The following DDX60L variants were observed in gnomAD, a reference collection of about 807,000 sequenced individuals.
DDX60L encodes probable ATP-dependent RNA helicase DDX60-like.
In DDX60L, 191 loss-of-function variants were observed where a neutral mutation model predicts 211.6. That is an observed-to-expected ratio of 0.90 (90% CI 0.80 to 1.02). The LOEUF (loss-of-function observed/expected upper bound fraction) is 1.02. Ranked by LOEUF, DDX60L falls within the 50% of genes least tolerant of loss-of-function variation. The probability of loss-of-function intolerance (pLI) is 0.00; values close to 1 mark genes in which losing one functional copy is unlikely to be tolerated. For synonymous variants in DDX60L, 706 were observed against 694.1 expected (o/e 1.02, Z -0.27); for missense variants, 2,007 against 1,984.1 (o/e 1.01, Z -0.22).
chr4:168,416,431 T>C (rs1373374746), intron 20 of DDX60L, among the ~76,000 whole-genome samples: 1 of 149,310 alleles, frequency 6.7e-6, no homozygotes, highest in Non-Finnish European at 1.5e-5. Flanking sequence ...CAAAAAAATT[T>C]GAGAAAGCCA....
intron 26 of DDX60L, among the ~76,000 whole-genome samples, chr4:168,396,386 T>C (rs186698259): frequency 4.6e-5 from 7 of 152,190 alleles, no homozygotes; most frequent in Admixed American, 3.9e-4. Flanking sequence ...GATATCCAGT[T>C]CTTCTCAGGA....
intron 13 of DDX60L, 23 bp downstream of exon 13, chr4:168,430,455 T>G: frequency 6.5e-7 from 1 of 1,545,494 alleles, no homozygotes; most frequent in Non-Finnish European, 8.7e-7. Context: ...AGAAAAAAAT[T>G]AGGTAAAATC....
chr4:168,381,582 T>G (rs1123539), intron 30 of DDX60L, among the ~76,000 whole-genome samples: 6,272 of 39,306 alleles, frequency 0.16, 138 homozygotes, highest in South Asian at 0.34. Flanking sequence ...CTATCAATTT[T>G]TTTTAAAAAA....
chr4:168,429,622 C>A (rs1245586751), intron 13 of DDX60L, among the ~76,000 whole-genome samples: 1 of 152,156 alleles, frequency 6.6e-6, no homozygotes, highest in Non-Finnish European at 1.5e-5. Flanking sequence ...TAAAATAACT[C>A]ATTTGTAAGT....
At chr4:168,366,268 C>A (rs1739974617) in intron 36 of DDX60L, among the ~76,000 whole-genome samples, 1 of 152,100 alleles carries the variant, frequency 6.6e-6, no homozygotes, top group African/African-American at 2.4e-5. Flanking sequence ...ACTGCTAGAA[C>A]TGATCAACAA....
chr4:168,477,817 G>T (rs553212498), intron 1 of DDX60L, among the ~76,000 whole-genome samples: 1 of 152,218 alleles, frequency 6.6e-6, no homozygotes, highest in Non-Finnish European at 1.5e-5. Flanking sequence ...ATTGGAAAAG[G>T]TTGATGGTCA....
At chr4:168,430,741 A>G (rs1422103449) in intron 12 of DDX60L, 103 bp from the exon 13 acceptor site, 1 of 880,370 alleles carries the variant, frequency 1.1e-6, no homozygotes, top group African/African-American at 1.8e-5. Flanking sequence ...ATAATTCAGT[A>G]TTTGCCAATG....
intron 26 of DDX60L, among the ~76,000 whole-genome samples, chr4:168,397,193 G>A (rs1235530582): frequency 1.3e-5 from 2 of 152,194 alleles, no homozygotes; most frequent in African/African-American, 4.8e-5. Flanking sequence ...CTGTTTAGAA[G>A]CCACTTAGTC....
At chr4:168,471,998 G>T (rs1758849571) in intron 3 of DDX60L, 62 bp from the exon 4 acceptor site, 1 of 1,342,472 alleles carries the variant, frequency 7.4e-7, no homozygotes, top group Non-Finnish European at 1.0e-6. Flanking sequence ...TGTTGCTGTT[G>T]TTGTTACTAT....
chr4:168,385,345 G>A (rs1404494027), intron 29 of DDX60L, among the ~76,000 whole-genome samples: 1 of 152,172 alleles, frequency 6.6e-6, no homozygotes, highest in Non-Finnish European at 1.5e-5. Flanking sequence ...CCTGGAGGGT[G>A]GTGTGCCCTC....
intron 4 of DDX60L, chr4:168,470,112 A>G (rs1758550469): frequency 6.6e-6 from 1 of 152,234 alleles, no homozygotes; most frequent in Admixed American, 6.5e-5. Flanking sequence ...AATACCAATT[A>G]AAACACAGGG....
At chr4:168,409,020 T>C (rs1305313737) in intron 22 of DDX60L, among the ~76,000 whole-genome samples, 2 of 152,224 alleles carry the variant, frequency 1.3e-5, no homozygotes, top group African/African-American at 4.8e-5. Context: ...TGTAATCTCA[T>C]GAATACTATA....
At chr4:168,385,251 CT>C (rs1743660487) in intron 29 of DDX60L, among the ~76,000 whole-genome samples, 1 of 152,134 alleles carries the variant, frequency 6.6e-6, no homozygotes, top group Non-Finnish European at 1.5e-5. Flanking sequence ...TGGTTTAATT[CT>C]TCAGGCCTGT....
chr4:168,457,348 C>T (rs933610068), intron 6 of DDX60L, among the ~76,000 whole-genome samples: 1 of 150,054 alleles, frequency 6.7e-6, no homozygotes, highest in African/African-American at 2.5e-5. Context: ...TATGTTAAAA[C>T]GCTAATATCA....
intron 22 of DDX60L, among the ~76,000 whole-genome samples, chr4:168,408,653 T>G (rs138224890): frequency 1.3e-5 from 2 of 152,294 alleles, no homozygotes; most frequent in Non-Finnish European, 2.9e-5. Context: ...GTAAAAAAGT[T>G]ACATACTAAG....
rs1383424008 is a variant in DDX60L, at chr4:168,427,419, T to C, written c.1678-97A>G. On this transcript the variant is annotated intron_variant, in intron 13 of 37. Coordinates refer to ENST00000682922, the MANE Select transcript of DDX60L (RefSeq NM_001012967.3). Reference sequence around the variant, plus strand: ...TTTTTTGTGCACTTACTGAGGACTCTGGCCATCATTCTACTCGTGCACAGG... The same window carrying C: ...TTTTTTGTGCACTTACTGAGGACTCCGGCCATCATTCTACTCGTGCACAGG... 7.8e-6 allele frequency: 10 copies of C among 1,280,760 alleles called. No individual in the cohort carries two copies. In the East Asian group the frequency reaches 1.6e-4, roughly 21 times the overall value. The allele number at this position is 1,280,760 out of a possible 1,614,324, so 79.3% of individuals were successfully genotyped here.
intron 27 of DDX60L, among the ~76,000 whole-genome samples, chr4:168,395,205 C>T (rs1745558560): frequency 6.6e-6 from 1 of 152,144 alleles, no homozygotes; most frequent in Admixed American, 6.5e-5. Flanking sequence ...AGTAAGACAA[C>T]TGGTTACATA....
intron 36 of DDX60L, among the ~76,000 whole-genome samples, chr4:168,369,507 A>G (rs999058201): frequency 6.6e-6 from 1 of 151,918 alleles, no homozygotes; most frequent in Admixed American, 6.6e-5. Context: ...CAGCAGAAAA[A>G]CTTCATGATA....
intron 36 of DDX60L, among the ~76,000 whole-genome samples, chr4:168,370,213 T>C (rs557766323): frequency 7.2e-5 from 11 of 152,294 alleles, no homozygotes; most frequent in African/African-American, 2.6e-4. Flanking sequence ...ATGTGGTACA[T>C]ATACACAATT....
Sources: allele counts gnomAD v4.1 joint callset (sites outside exome capture counted in the v4.1 genomes callset), GRCh38; gene constraint gnomAD v4.1.1; transcripts MANE v1.5; gene names NCBI Gene and HGNC (gene_info 2026-07-23, HGNC 2026-07-21).